The following TMEM26 variants were observed in gnomAD, a reference collection of about 807,000 sequenced individuals.
The protein encoded by TMEM26 is transmembrane protein 26.
In TMEM26, 38 loss-of-function variants were observed where a neutral mutation model predicts 28.8. The observed-to-expected ratio is 1.32, with a 90% confidence interval of 1.02 to 1.73. The LOEUF (loss-of-function observed/expected upper bound fraction) is 1.73. TMEM26 is among the 40% of genes most tolerant of loss of function. The pLI, the probability that TMEM26 is intolerant of heterozygous loss-of-function variation, is 0.00. For synonymous variants in TMEM26, 227 were observed against 182.9 expected (o/e 1.24, Z -1.95); for missense variants, 518 against 447.1 (o/e 1.16, Z -1.43).
intron 4 of TMEM26, among the ~76,000 whole-genome samples, chr10:61,428,307 T>C (rs1275799071): frequency 6.6e-6 from 1 of 152,090 alleles, no homozygotes; most frequent in African/African-American, 2.4e-5. Flanking sequence ...TATTTGCTTG[T>C]GGCAAAAATA....
rs562646683 is a variant in TMEM26, at chr10:61,416,951, G to A, written c.606-3416C>T. Reference sequence around the variant, plus strand: ...TATTATCTATGCACACACAAAATACGGAAGAATGTGGGTGTTGAAAAACAT... The same window carrying A: ...TATTATCTATGCACACACAAAATACAGAAGAATGTGGGTGTTGAAAAACAT... On this transcript the variant is annotated intron_variant, in intron 4 of 5. Coordinates refer to ENST00000399298, the MANE Select transcript of TMEM26 (RefSeq NM_178505.8). Among the ~76,000 whole-genome samples, 33 of 152,018 alleles carry A rather than the reference G, an allele frequency of 2.2e-4. No homozygotes were observed. In the East Asian group the frequency reaches 2.9e-3, roughly 13 times the overall value.
intron 1 of TMEM26, among the ~76,000 whole-genome samples, chr10:61,448,619 GTTTT>G (rs199499296): frequency 3.2e-5 from 4 of 126,594 alleles, no homozygotes; most frequent in African/African-American, 1.2e-4. Flanking sequence ...CTGTTTTTTT[GTTTT>G]TTTTTTTTTT....
At chr10:61,452,439 C>T (rs1398458625) in intron 1 of TMEM26, among the ~76,000 whole-genome samples, 1 of 152,238 alleles carries the variant, frequency 6.6e-6, no homozygotes, top group African/African-American at 2.4e-5. Flanking sequence ...CCAGTGTGCT[C>T]AGCTCTTGCG....
intron 5 of TMEM26, 39 bp downstream of exon 5, chr10:61,413,420 T>C: frequency 6.3e-7 from 1 of 1,599,954 alleles, no homozygotes; most frequent in Non-Finnish European, 8.5e-7. Flanking sequence ...TCAAGAGGTG[T>C]AATTTTCTAT....
chr10:61,444,382 T>C (rs1042304320), intron 1 of TMEM26, among the ~76,000 whole-genome samples: 2 of 152,204 alleles, frequency 1.3e-5, no homozygotes, highest in Non-Finnish European at 2.9e-5. Flanking sequence ...GTGTTAGGCT[T>C]TAGTTTATTT....
chr10:61,416,850 G>C (rs1839660471), intron 4 of TMEM26, among the ~76,000 whole-genome samples: 1 of 151,998 alleles, frequency 6.6e-6, no homozygotes, highest in Non-Finnish European at 1.5e-5. Flanking sequence ...AGGGATAAAT[G>C]ATATACTAAC....
At chr10:61,431,423 G>A (rs538305110) in intron 2 of TMEM26, 91 bp from the exon 3 acceptor site, 2 of 903,132 alleles carry the variant, frequency 2.2e-6, no homozygotes, top group Non-Finnish European at 3.6e-6. Context: ...AAGAGATTAT[G>A]AGCAGATATG....
chr10:61,439,617 T>G (rs995308591), intron 1 of TMEM26, among the ~76,000 whole-genome samples: 2 of 152,240 alleles, frequency 1.3e-5, no homozygotes, highest in African/African-American at 4.8e-5. Context: ...GACCCAAATT[T>G]GAATCCTGCC....
chr10:61,432,064 C>T (rs913449480), intron 2 of TMEM26, among the ~76,000 whole-genome samples: 2 of 151,864 alleles, frequency 1.3e-5, no homozygotes, highest in Non-Finnish European at 2.9e-5. Flanking sequence ...CATGATTTTG[C>T]TATTTTTATG....
At chr10:61,429,250 T>C in intron 3 of TMEM26, 104 bp from the exon 4 acceptor site, 2 of 898,084 alleles carry the variant, frequency 2.2e-6, no homozygotes, top group South Asian at 1.6e-5. Context: ...TTGTAGAGAG[T>C]AATTTTCAGG....
chr10:61,444,994 C>G (rs1365815946), intron 1 of TMEM26, among the ~76,000 whole-genome samples: 1 of 152,134 alleles, frequency 6.6e-6, no homozygotes, highest in Non-Finnish European at 1.5e-5. Flanking sequence ...TTTTCATTAT[C>G]TATTATTGTC....
intron 5 of TMEM26, among the ~76,000 whole-genome samples, chr10:61,411,822 C>T (rs910330114): frequency 1.3e-5 from 2 of 152,136 alleles, no homozygotes; most frequent in African/African-American, 2.4e-5. Flanking sequence ...AGAATGCCTT[C>T]GTCTACTGGA....
intron 4 of TMEM26, chr10:61,414,975 AG>A (rs78193916): frequency 2.0e-6 from 2 of 985,118 alleles, no homozygotes; most frequent in East Asian, 1.1e-4. Context: ...GGCTCCCCAC[AG>A]GGGGACTCTC....
Position 61,410,541 on chromosome 10 carries a change from C to A in TMEM26, c.888G>T (p.Val296=). 1 of 1,614,158 alleles carries A rather than the reference C, an allele frequency of 6.2e-7. No homozygotes were observed. Among genetic ancestry groups the A allele is most frequent in the Non-Finnish European group, 8.5e-7 (1 of 1,180,030 alleles). The change falls in exon 6 of 6, where the codon GTG becomes GTT. Residue 296 remains valine, a synonymous_variant. Transcript: ENST00000399298. ...LVFFAAKNFL[V]VVLQLYRLVV... is the part of the protein sequence containing the mutation. ...CCAAGCGGTAGAGTTGCAACACCAC[C>A]ACGAGGAAGTTCTTCGCGGCAAAGA... is the stretch of plus-strand genomic sequence containing the variant.
intron 5 of TMEM26, among the ~76,000 whole-genome samples, chr10:61,411,995 A>G (rs865965155): frequency 3.3e-5 from 5 of 152,232 alleles, no homozygotes; most frequent in Admixed American, 2.0e-4. Context: ...TTTCTTAAAT[A>G]CAAATTTTCT....
intron 4 of TMEM26, among the ~76,000 whole-genome samples, chr10:61,420,943 A>T (rs1488801704): frequency 1.3e-5 from 2 of 152,068 alleles, no homozygotes; most frequent in African/African-American, 4.8e-5. Flanking sequence ...ACCTTAAAAG[A>T]TTATATAGAA....
At position 61,429,054 on chromosome 10, in the gene TMEM26, T is replaced by C; in HGVS notation, c.477A>G (p.Gly159=). 1 of 1,613,418 alleles carries C rather than the reference T, an allele frequency of 6.2e-7. No homozygotes were observed. The highest frequency in any genetic ancestry group is 2.2e-5 in the East Asian group (1 of 44,858). ...HQTFLLMLII[G]RWLLPIGGGI... is the part of the protein sequence containing the mutation. ...CGCCTCCAATGGGTAGAAGCCATCT[T>C]CCAATTATTAGCATTAACAGGAATG... is the stretch of plus-strand genomic sequence containing the variant. Residue 159 remains glycine (G), a synonymous_variant, in exon 4 of 6, where the codon GGA becomes GGG. Coordinates refer to ENST00000399298, the MANE Select transcript of TMEM26 (RefSeq NM_178505.8).
At position 61,408,875 on chromosome 10, in the gene TMEM26, TATA is replaced by T. The variant is rs879112667; in HGVS notation, c.*1444_*1446del. On this transcript the variant is annotated 3_prime_UTR_variant, in exon 6 of 6. Transcript: ENST00000399298. ...ACTCTGTATAAAAACACAATTTGTCTATAAAAGTTTGTATAAAATGTTTCGAAT... is the reference window on the plus strand; with the variant it reads ...ACTCTGTATAAAAACACAATTTGTCTAAAGTTTGTATAAAATGTTTCGAAT... The T allele has an allele frequency of 2.6e-5, 4 of 152,322 alleles. No homozygotes were observed. The East Asian group carries it at 5.8e-4, about 22-fold the overall frequency. 9.4% of individuals were successfully genotyped at this position (152,322 alleles called of 1,614,324 possible). A position where few individuals can be genotyped will look rare whatever the true frequency, so the allele number is the denominator to read the frequency against.
Position 61,419,711 on chromosome 10 carries a change from T to C in TMEM26, c.606-6176A>G, listed in dbSNP as rs74696653. ...GACCTGTGGAACACAGTCAGTCATA[T>C]ATATTTTTAACAGAAGACCCAGAAG... On this transcript the variant is annotated intron_variant, in intron 4 of 5. Coordinates refer to ENST00000399298, the MANE Select transcript of TMEM26 (RefSeq NM_178505.8). 6.2e-3 allele frequency among the ~76,000 whole-genome samples: 943 copies of C among 152,234 alleles called. 8 individuals are homozygous for C. Among genetic ancestry groups the C allele is most frequent in the African/African-American group, 0.021 (887 of 41,560 alleles).
Sources: gnomAD v4.1 joint callset for allele counts (sites outside exome capture counted in the v4.1 genomes callset) on GRCh38, gnomAD v4.1.1 for gene constraint, MANE v1.5 for transcripts, NCBI Gene and HGNC (gene_info 2026-07-23, HGNC 2026-07-21) for gene names.